Variants in RP1 observed in about 807,000 individuals in gnomAD.
The protein encoded by RP1 is RP1 axonemal microtubule associated, also known as oxygen-regulated protein 1.
In RP1, 16 loss-of-function variants were observed where a neutral mutation model predicts 14.8. The observed-to-expected ratio is 1.08, with a 90% CI of 0.73 to 1.65. The LOEUF (loss-of-function observed/expected upper bound fraction) is 1.65. Among genes scored for constraint, RP1 ranks in the 40% most tolerant of loss-of-function variants. The probability of loss-of-function intolerance (pLI) is 0.00; values close to 1 mark genes in which losing one functional copy is unlikely to be tolerated. For synonymous variants in RP1, 876 were observed against 883.6 expected, an observed-to-expected ratio of 0.99 and a Z score of 0.15; for missense variants, 2,631 against 2,535.0, an observed-to-expected ratio of 1.04 and a Z score of -0.81.
chr8:54,745,973 T>C (rs1407378612), intron 19 of RP1, among the ~76,000 whole-genome samples: 2 of 152,102 alleles, frequency 1.3e-5, no homozygotes, highest in Admixed American at 1.3e-4. Flanking sequence ...CAAAAGAAAA[T>C]ACTATTTCCA....
At chr8:54,670,671 TTATATATA>T (rs375877155) in intron 7 of RP1, among the ~76,000 whole-genome samples, 2,925 of 62,524 alleles carry the variant, frequency 0.047, 289 homozygotes, top group African/African-American at 0.15. Flanking sequence ...ATATATGTTT[TTATATATA>T]TATATATATA....
intron 24 of RP1, among the ~76,000 whole-genome samples, chr8:54,826,359 G>T (rs2129399135): frequency 6.6e-6 from 1 of 152,308 alleles, no homozygotes; most frequent in South Asian, 2.1e-4. Context: ...CCACCTCCTG[G>T]AGGAATGCTT....
In RP1 at chr8:54,624,670, T is replaced by A. The variant is rs1347603964; in HGVS notation, c.788T>A (p.Ile263Lys). ...KGNAKSESRK[I>K]STHMSSSSRS... ...CCTTTTACTCTTAAAATCTTTAAAG[T>A]AAGCACACATATGTCTTCAAGCTCA... Residue 263 changes from isoleucine to lysine, a missense_variant and splice_region_variant, in exon 4 of 4, where the codon ATA (isoleucine) becomes AAA (lysine). Transcript: ENST00000220676. 4 of 1,613,628 alleles carry A rather than the reference T, an allele frequency of 2.5e-6. No individual in the cohort carries two copies. The Admixed American group carries it at 6.7e-5, about 27-fold the overall frequency.
At chr8:54,757,920 T>TA (rs1419546397) in intron 21 of RP1, among the ~76,000 whole-genome samples, 1 of 152,238 alleles carries the variant, frequency 6.6e-6, no homozygotes, top group South Asian at 2.1e-4. Context: ...ATTACTGGAC[T>TA]AGTAATGGTT....
chr8:54,840,415 G>C (rs987252917), intron 25 of RP1, among the ~76,000 whole-genome samples: 2 of 151,766 alleles, frequency 1.3e-5, no homozygotes, highest in African/African-American at 4.8e-5. Context: ...ACCTCACCTG[G>C]CTAATTTTTG....
At chr8:54,847,597 G>A (rs557354698) in intron 25 of RP1, among the ~76,000 whole-genome samples, 1 of 152,346 alleles carries the variant, frequency 6.6e-6, no homozygotes, top group South Asian at 2.1e-4. Flanking sequence ...CAGGCCATAG[G>A]CAGCAGGCAC....
intron 24 of RP1, among the ~76,000 whole-genome samples, chr8:54,802,418 G>T (rs1810735289): frequency 1.3e-5 from 2 of 152,112 alleles, no homozygotes; most frequent in South Asian, 2.1e-4. Context: ...GAGAATATAG[G>T]CTTTTTAGTG....
Position 54,696,374 on chromosome 8 carries a change from C to A in RP1, c.1718-3093C>A, listed in dbSNP as rs1807862431. The stretch of plus-strand genomic sequence containing the variant: ...GAAGGATTGGTTCATTTTAGAAAAT[C>A]TAACTTTGTGCAACACTAGAAAGAT... On this transcript the variant is annotated intron_variant, in intron 12 of 22. Coordinates refer to the RP1 transcript ENST00000636932. 13 of 595,736 alleles carry A rather than the reference C, an allele frequency of 2.2e-5. No individual in the cohort carries two copies. The South Asian group carries it at 2.6e-4, about 12-fold the overall frequency. The allele number at this position is 595,736 out of a possible 1,614,324, so 36.9% of individuals were successfully genotyped here.
intron 24 of RP1, among the ~76,000 whole-genome samples, chr8:54,805,532 A>G (rs1287961513): frequency 6.6e-6 from 1 of 152,194 alleles, no homozygotes; most frequent in East Asian, 1.9e-4. Context: ...CCTGTTGTAT[A>G]TTATACCCTG....
At chr8:54,632,676 T>C (rs1027777477), downstream of RP1, among the ~76,000 whole-genome samples, 1 of 152,172 alleles carries the variant, frequency 6.6e-6, no homozygotes, top group African/African-American at 2.4e-5. Context: ...TTTTTTTTAG[T>C]TTTTTTATAT....
rs1806207631 is a variant in RP1 at position 54,630,021 on chromosome 8, G to A, written c.6139G>A (p.Val2047Met). The change falls in exon 4 of 4, where the codon GTG (valine) becomes ATG (methionine). Residue 2047 changes from valine to methionine, a missense_variant. Coordinates refer to ENST00000220676, the MANE Select transcript of RP1 (RefSeq NM_006269.2). ...LHTSLLVVGN[V>M]DSNTQDLSGQ... Reference sequence around the variant, plus strand: ...CACATCATTGTTAGTTGTGGGTAATGTGGATTCAAATACACAAGACCTCAG... The same window carrying A: ...CACATCATTGTTAGTTGTGGGTAATATGGATTCAAATACACAAGACCTCAG... The A allele has an allele frequency of 6.2e-7, 1 of 1,613,924 alleles. No individual in the cohort carries two copies. The highest frequency in any genetic ancestry group is 8.5e-7 in the Non-Finnish European group (1 of 1,179,980).
rs112543120 is a variant in RP1 at position 54,800,437 on chromosome 8, G to A, written c.3615+16727G>A. On this transcript the variant is annotated intron_variant, in intron 24 of 28. Coordinates refer to the RP1 transcript ENST00000637698. ...TGAAAATTTTTGACCATTATCTTTG[G>A]AAAATATTTCTCATGCCCTGTTCTC... Among the ~76,000 whole-genome samples, 1,135 of 151,950 alleles carry A rather than the reference G, an allele frequency of 7.5e-3. 18 individuals are homozygous for A. The highest frequency in any genetic ancestry group is 0.026 in the African/African-American group (1,078 of 41,468).
intron 23 of RP1, among the ~76,000 whole-genome samples, chr8:54,778,905 T>C (rs1810111999): frequency 6.6e-6 from 1 of 152,100 alleles, no homozygotes; most frequent in East Asian, 1.9e-4. Flanking sequence ...TACCAATCTA[T>C]ATGTAATATT....
chr8:54,780,880 G>A, intron 23 of RP1: 2 of 978,802 alleles, frequency 2.0e-6, no homozygotes, highest in Non-Finnish European at 2.4e-6. Flanking sequence ...TACATATACT[G>A]ATTGCACGTG....
chr8:54,840,997 A>T (rs991133375), intron 25 of RP1, among the ~76,000 whole-genome samples: 1 of 152,234 alleles, frequency 6.6e-6, no homozygotes, highest in Non-Finnish European at 1.5e-5. Flanking sequence ...ACATTAAAAC[A>T]AGAAAATGAA....
At chr8:54,729,992 T>C (rs1007813868) in intron 17 of RP1, among the ~76,000 whole-genome samples, 31 of 152,040 alleles carry the variant, frequency 2.0e-4, no homozygotes, top group African/African-American at 7.2e-4. Flanking sequence ...TTTTAATGCT[T>C]GTGCTGTTGT....
chr8:54,643,749 C>T (rs1015805570), intron 3 of RP1, among the ~76,000 whole-genome samples: 3 of 152,100 alleles, frequency 2.0e-5, no homozygotes, highest in Non-Finnish European at 4.4e-5. Flanking sequence ...TTGGTGGTTG[C>T]CTGAAGTCCT....
At chr8:54,648,004 T>C (rs1041789839) in intron 3 of RP1, among the ~76,000 whole-genome samples, 3 of 152,162 alleles carry the variant, frequency 2.0e-5, no homozygotes, top group Non-Finnish European at 4.4e-5. Flanking sequence ...CCCATGCTAT[T>C]CTCATGATAG....
intron 1 of RP1, among the ~76,000 whole-genome samples, chr8:54,566,973 TC>T: frequency 6.6e-6 from 1 of 152,060 alleles, no homozygotes. Context: ...ACTCTGAACC[TC>T]CCTGGTGGCA....
Sources: allele counts gnomAD v4.1 joint callset (sites outside exome capture counted in the v4.1 genomes callset), GRCh38; gene constraint gnomAD v4.1.1; transcripts MANE v1.5; gene names NCBI Gene and HGNC (gene_info 2026-07-23, HGNC 2026-07-21).